Variants in AHNAK2 observed in about 807,000 individuals in gnomAD.
The protein encoded by AHNAK2 is protein AHNAK2.
A neutral mutation model predicts 30.7 loss-of-function variants in AHNAK2; 18 were observed. That is an observed-to-expected ratio of 0.59 (90% CI 0.41 to 0.87). AHNAK2 has a LOEUF of 0.87. Ranked by LOEUF, AHNAK2 falls within the 40% of genes least tolerant of loss-of-function variation. AHNAK2 has a pLI of 0.00. For missense variants in AHNAK2, 8,604 were observed against 7,373.0 expected (o/e 1.17, Z -6.11); for synonymous variants, 3,590 against 3,073.8 (o/e 1.17, Z -5.56).
chr14:104,941,424 T>C lies in AHNAK2; in HGVS notation c.14027A>G (p.Asp4676Gly). Residue 4676 changes from aspartate (D) to glycine (G), a missense_variant, in exon 7 of 7, where the codon GAT becomes GGT. By Grantham distance (94) the Asp-to-Gly change is moderately conservative. Coordinates refer to ENST00000333244, the MANE Select transcript of AHNAK2 (RefSeq NM_138420.4). ...PIVESVVHEG[D>G]LHDPSRDGNL... ...ACCATCGCGAGATGGATCATGAAGA[T>C]CACCTTCATGAACAACAGATTCCAC... 1.2e-6 allele frequency: 2 copies of C among 1,613,118 alleles called. No homozygotes were observed. Among genetic ancestry groups the C allele is most frequent in the Non-Finnish European group, 1.7e-6 (2 of 1,179,722 alleles).
Position 104,954,986 on chromosome 14 carries a change from G to A in AHNAK2, c.622C>T (p.Gln208Ter), listed in dbSNP as rs1486067970. The A allele has an allele frequency of 1.9e-6, 3 of 1,613,452 alleles. No individual in the cohort carries two copies. Among genetic ancestry groups the A allele is most frequent in the South Asian group, 2.2e-5 (2 of 91,078 alleles). Residue 208 changes from glutamine (Q) to a stop codon, truncating the protein, a stop_gained, in exon 6 of 7, where the codon CAG (glutamine) becomes TAG (stop). Transcript: ENST00000333244. LOFTEE classifies it low-confidence loss of function (END_TRUNC). This position sits in a 1 kb window ranked among gnomAD's most constrained non-coding sequence, Gnocchi z 4.3. ...QDEEWASSDAQHGPQGKEKED... is the reference protein window; with the variant it reads ...QDEEWASSDA Reference sequence around the variant, plus strand: ...TTCTCCTTGCCCTGTGGGCCGTGCTGGGCATCGCTGGAAGCCCACTCTTCA... The same window carrying A: ...TTCTCCTTGCCCTGTGGGCCGTGCTAGGCATCGCTGGAAGCCCACTCTTCA...
intron 1 of AHNAK2, among the ~76,000 whole-genome samples, chr14:104,971,698 A>G (rs1271532161): frequency 6.6e-6 from 1 of 152,070 alleles, no homozygotes; most frequent in Non-Finnish European, 1.5e-5. Context: ...ACCCTGCTGC[A>G]CCCTGGGCCC....
At position 104,951,901 on chromosome 14, in the gene AHNAK2, C is replaced by A; in HGVS notation, c.3550G>T (p.Ala1184Ser). Residue 1184 changes from alanine to serine, a missense_variant, in exon 7 of 7, where the codon GCC becomes TCC. Transcript: ENST00000333244. ...GASAPGKSIE[A>S]SVDVSAPKVE... ...TTGGGTGCAGACACATCCACCGAGG[C>A]CTCGATGGACTTGCCTGGGGCTGAC... 1.2e-6 allele frequency: 2 copies of A among 1,609,996 alleles called. No homozygotes were observed. The highest frequency in any genetic ancestry group is 1.4e-5 in the African/African-American group (1 of 74,024).
rs571228831 is a variant in AHNAK2, at chr14:104,944,891, G to A, written c.10560C>T (p.Asp3520=). ...SSMQGDLKAT[D]LSIQPPSADL... Reference sequence around the variant, plus strand: ...CAGCGGAAGGGGGCTGAATGCTGAGGTCAGTGGCCTTGAGGTCCCCCTGCA... The same window carrying A: ...CAGCGGAAGGGGGCTGAATGCTGAGATCAGTGGCCTTGAGGTCCCCCTGCA... Residue 3520 remains aspartate, a synonymous_variant, in exon 7 of 7, where the codon GAC becomes GAT. Coordinates refer to ENST00000333244, the MANE Select transcript of AHNAK2 (RefSeq NM_138420.4). 130 of 1,613,046 alleles carry A rather than the reference G, an allele frequency of 8.1e-5. No homozygotes were observed. The highest frequency in any genetic ancestry group is 6.7e-5 in the Non-Finnish European group (79 of 1,179,630).
rs748805342 is a variant in AHNAK2, at chr14:104,947,402, G to A, written c.8049C>T (p.Ser2683=). Reference sequence around the variant, plus strand: ...TAAGGTCCCCTTGCATGGAGGGGAGGCTCATGTCGGCTTCCACCTTCAGCT... The same window carrying A: ...TAAGGTCCCCTTGCATGGAGGGGAGACTCATGTCGGCTTCCACCTTCAGCT... ...VSELKVEADM[S]LPSMQGDLKT... is the part of the protein sequence containing the mutation. Residue 2683 remains serine (S), a synonymous_variant, in exon 7 of 7, where the codon AGC becomes AGT. Transcript: ENST00000333244. 4.3e-6 allele frequency: 7 copies of A among 1,612,660 alleles called. No homozygotes were observed. The highest frequency in any genetic ancestry group is 1.7e-5 in the Admixed American group (1 of 59,934).
rs766802227 is a variant in AHNAK2 at position 104,952,402 on chromosome 14, T to G, written c.3049A>C (p.Ile1017Leu). 6.2e-7 allele frequency: 1 copy of G among 1,612,610 alleles called. No individual in the cohort carries two copies. Among genetic ancestry groups the G allele is most frequent in the Admixed American group, 1.7e-5 (1 of 59,926 alleles). The change falls in exon 7 of 7, where the codon ATC (isoleucine) becomes CTC (leucine). Residue 1017 changes from isoleucine (I) to leucine (L), a missense_variant. Ile to Leu is a conservative substitution (Grantham distance 5). Transcript: ENST00000333244. Reference protein sequence around the residue: ...SFGVSAPGKSIKALVDVSAPK... With the variant: ...SFGVSAPGKSLKALVDVSAPK... Reference sequence around the variant, plus strand: ...GCAGACACATCCACCAAGGCCTTGATGGACTTCCCTGGGGCCGATACCCCG... The same window carrying G: ...GCAGACACATCCACCAAGGCCTTGAGGGACTTCCCTGGGGCCGATACCCCG...
chr14:104,938,730 A>G lies in AHNAK2; in HGVS notation c.16721T>C (p.Phe5574Ser), dbSNP rs1198567068. ...ATTGACGCTGGAAGAGATCATCTCAAATGGTTCTCCAGTGTCAGGCTGGAG... is the reference window on the plus strand; with the variant it reads ...ATTGACGCTGGAAGAGATCATCTCAGATGGTTCTCCAGTGTCAGGCTGGAG... The part of the protein sequence containing the change: ...GDLQPDTGEP[F>S]EMISSSVNVL... The change falls in exon 7 of 7, where the codon TTT (phenylalanine) becomes TCT (serine). Residue 5574 changes from phenylalanine to serine, a missense_variant. Physicochemically the swap from Phe to Ser is radical, Grantham distance 155. Transcript: ENST00000333244. 1.2e-6 allele frequency: 2 copies of G among 1,613,630 alleles called. No homozygotes were observed. The highest frequency in any genetic ancestry group is 2.7e-5 in the African/African-American group (2 of 74,900).
Position 104,943,825 on chromosome 14 carries a change from C to A in AHNAK2, c.11626G>T (p.Val3876Leu). 3 of 1,613,034 alleles carry A rather than the reference C, an allele frequency of 1.9e-6. No individual in the cohort carries two copies. The highest frequency in any genetic ancestry group is 1.7e-6 in the Non-Finnish European group (2 of 1,179,554). Residue 3876 changes from valine (V) to leucine (L), a missense_variant, in exon 7 of 7, where the codon GTG becomes TTG. Val to Leu is a conservative substitution (Grantham distance 32, BLOSUM62 1). Coordinates refer to ENST00000333244, the MANE Select transcript of AHNAK2 (RefSeq NM_138420.4). The part of the protein sequence containing the change: ...QVDMKLLEGH[V>L]PEEAGLKGHL... Reference sequence around the variant, plus strand: ...CCTTTGAGGCCGGCTTCCTCGGGCACGTGGCCCTCCAGGAGTTTCATGTCC... The same window carrying A: ...CCTTTGAGGCCGGCTTCCTCGGGCAAGTGGCCCTCCAGGAGTTTCATGTCC...
Position 104,944,627 on chromosome 14 carries a change from G to A in AHNAK2, c.10824C>T (p.Val3608=), listed in dbSNP as rs1371979061. The stretch of plus-strand genomic sequence containing the variant: ...CATCCAGCTTGGCCTTCGGGGCCTG[G>A]ACATCCACCTCCACGCTGGGCAGAG... ...EVSLPSVEVD[V]QAPKAKLDAG... is the part of the protein sequence containing the mutation. The change falls in exon 7 of 7, where the codon GTC becomes GTT. Residue 3608 remains valine (V), a synonymous_variant. Coordinates refer to ENST00000333244, the MANE Select transcript of AHNAK2 (RefSeq NM_138420.4). 2 of 1,613,176 alleles carry A rather than the reference G, an allele frequency of 1.2e-6. No homozygotes were observed. Among genetic ancestry groups the A allele is most frequent in the Non-Finnish European group, 1.7e-6 (2 of 1,179,670 alleles).
rs372841773 is a variant in AHNAK2, at chr14:104,942,198, G to T, written c.13253C>A (p.Thr4418Lys). 47 of 1,610,106 alleles carry T rather than the reference G, an allele frequency of 2.9e-5. No individual in the cohort carries two copies. The highest frequency in any genetic ancestry group is 3.6e-5 in the Non-Finnish European group (43 of 1,178,582). Residue 4418 changes from threonine to lysine, a missense_variant, in exon 7 of 7, where the codon ACG (threonine) becomes AAG (lysine). By Grantham distance (78) the Thr-to-Lys change is moderately conservative. Coordinates refer to ENST00000333244, the MANE Select transcript of AHNAK2 (RefSeq NM_138420.4). ...LDLKGPKVEV[T>K]SPNLDVSLPS... ...CAGAGACACGTCCAGGTTGGGGGAC[G>T]TCACCTCCACCTTGGGGCCTTTCAG...
rs779264547 is a variant in AHNAK2 at position 104,950,798 on chromosome 14, C to T, written c.4653G>A (p.Glu1551=). The change falls in exon 7 of 7, where the codon GAG becomes GAA. Residue 1551 remains glutamate, a synonymous_variant. Transcript: ENST00000333244. ...TCACGTCCACTTGGCCAGCCTGGAC[C>T]TCCAGGTCAGCAGAAGGGGGCTGTA... The part of the protein sequence containing the change: ...LSIQPPSADL[E]VQAGQVDVKL... The T allele has an allele frequency of 3.8e-5, 60 of 1,586,872 alleles. 8 individuals are homozygous for T. The Admixed American group carries it at 8.7e-4, about 23-fold the overall frequency.
At position 104,954,158 on chromosome 14, in the gene AHNAK2, T is replaced by G; in HGVS notation, c.1293A>C (p.Thr431=). The G allele has an allele frequency of 6.2e-7, 1 of 1,610,508 alleles. No individual in the cohort carries two copies. The highest frequency in any genetic ancestry group is 8.5e-7 in the Non-Finnish European group (1 of 1,179,828). ...GKTLEGQAQE[T]AVAQRKPRAQ... is the part of the protein sequence containing the mutation. ...CCCTGGGCTTCCTCTGGGCCACTGCTGTCTCCTGTGCCTGCCCCTCCAGGG... is the reference window on the plus strand; with the variant it reads ...CCCTGGGCTTCCTCTGGGCCACTGCGGTCTCCTGTGCCTGCCCCTCCAGGG... The change falls in exon 7 of 7, where the codon ACA becomes ACC. Residue 431 remains threonine, a synonymous_variant. Coordinates refer to ENST00000333244, the MANE Select transcript of AHNAK2 (RefSeq NM_138420.4). The surrounding 1 kb of genome is among the most constrained non-coding windows in gnomAD (Gnocchi z 4.3).
rs1465696662 is a variant in AHNAK2, at chr14:104,949,101, G to C, written c.6350C>G (p.Pro2117Arg). 3.7e-6 allele frequency: 4 copies of C among 1,070,462 alleles called. 1 individual carries two copies. Among genetic ancestry groups the C allele is most frequent in the Non-Finnish European group, 5.4e-6 (4 of 734,694 alleles). 66.3% of individuals were successfully genotyped at this position (1,070,462 alleles called of 1,614,324 possible). Residue 2117 changes from proline (P) to arginine (R), a missense_variant, in exon 7 of 7, where the codon CCC becomes CGC. Transcript: ENST00000333244. The part of the protein sequence containing the change: ...MRVPDVEVSL[P>R]SMEVDVQAPR... ...GGCCTGGACGTCCACCTCCATGCTG[G>C]GCAGAGACACCTCGACATCGGGGAC...
chr14:104,940,782 G>T lies in AHNAK2; in HGVS notation c.14669C>A (p.Ala4890Asp). The T allele has an allele frequency of 6.2e-7, 1 of 1,612,962 alleles. No homozygotes were observed. The highest frequency in any genetic ancestry group is 8.5e-7 in the Non-Finnish European group (1 of 1,179,888). ...PEGDLHAAVG[A>D]PVMSPLSPGE... ...AGGGCTAAGAGGAGACATGACTGGG[G>T]CACCCACTGCTGCATGTAGGTCTCC... Residue 4890 changes from alanine to aspartate, a missense_variant, in exon 7 of 7, where the codon GCC becomes GAC. Physicochemically the swap from Ala to Asp is moderately radical, Grantham distance 126. Transcript: ENST00000333244. The surrounding 1 kb of genome is among the most constrained non-coding windows in gnomAD (Gnocchi z 4.4).
In AHNAK2 at chr14:104,942,512, T is replaced by A. The variant is rs754816094; in HGVS notation, c.12939A>T (p.Pro4313=). 10 of 1,612,984 alleles carry A rather than the reference T, an allele frequency of 6.2e-6. No individual in the cohort carries two copies. The highest frequency in any genetic ancestry group is 3.3e-5 in the South Asian group (3 of 91,042). Reference sequence around the variant, plus strand: ...CCAACGAGGCCTCGATGGACTTGCCTGGGGCAGACACCCCGAACGACGGCA... The same window carrying A: ...CCAACGAGGCCTCGATGGACTTGCCAGGGGCAGACACCCCGAACGACGGCA... ...FKMPSFGVSA[P]GKSIEASLDV... The change falls in exon 7 of 7, where the codon CCA becomes CCT. Residue 4313 remains proline, a synonymous_variant. Transcript: ENST00000333244.
At chr14:104,956,320 C>T (rs924626089) in intron 4 of AHNAK2, among the ~76,000 whole-genome samples, 4 of 152,170 alleles carry the variant, frequency 2.6e-5, no homozygotes, top group African/African-American at 9.7e-5. Context: ...GAGGTCTGTA[C>T]AGCCAGGTCT....
rs189780647 is a variant in AHNAK2 at position 104,954,981 on chromosome 14, G to A, written c.627C>T (p.His209=). The A allele has an allele frequency of 2.2e-4, 353 of 1,613,292 alleles. No individual in the cohort carries two copies. In the African/African-American group the frequency reaches 3.1e-3, roughly 14 times the overall value. ...CCTCCTTCTCCTTGCCCTGTGGGCC[G>A]TGCTGGGCATCGCTGGAAGCCCACT... ...DEEWASSDAQ[H]GPQGKEKEDT... The change falls in exon 6 of 7, where the codon CAC becomes CAT. Residue 209 remains histidine, a synonymous_variant. Transcript: ENST00000333244. The surrounding 1 kb of genome is among the most constrained non-coding windows in gnomAD (Gnocchi z 4.3).
Position 104,949,276 on chromosome 14 carries a change from C to T in AHNAK2, c.6175G>A (p.Gly2059Ser), listed in dbSNP as rs374466165. 24 of 1,065,028 alleles carry T rather than the reference C, an allele frequency of 2.3e-5. 9 individuals carry two copies. The highest frequency in any genetic ancestry group is 3.1e-5 in the South Asian group (2 of 64,592). The allele number at this position is 1,065,028 out of a possible 1,614,324, so 66.0% of individuals were successfully genotyped here. A position where few individuals can be genotyped will look rare whatever the true frequency, so the allele number is the denominator to read the frequency against. ...TGQVDVKLPE[G>S]HVPEGAGLKG... ...AGGCCAGCTCCCTCGGGCACGTGGC[C>T]CTCCGGGAGCTTCACATCCACCTGG... Residue 2059 changes from glycine (G) to serine (S), a missense_variant, in exon 7 of 7, where the codon GGC (glycine) becomes AGC (serine). Gly to Ser is a moderately conservative substitution (Grantham distance 56). Transcript: ENST00000333244.
rs1899646976 is a variant in AHNAK2 at position 104,978,222 on chromosome 14, G to A, written c.16C>T (p.His6Tyr). MCDCF[H>Y]MVLPTWPGTP... ...CCGGGCCAGGTGGGCAGCACCATGTGGAAGCAGTCGCACATCGCGGCGGCC... is the reference window on the plus strand; with the variant it reads ...CCGGGCCAGGTGGGCAGCACCATGTAGAAGCAGTCGCACATCGCGGCGGCC... Residue 6 changes from histidine (H) to tyrosine (Y), a missense_variant, in exon 1 of 7, where the codon CAC becomes TAC. Coordinates refer to ENST00000333244, the MANE Select transcript of AHNAK2 (RefSeq NM_138420.4). The A allele has an allele frequency of 8.2e-7, 1 of 1,216,382 alleles. No individual in the cohort carries two copies. Among genetic ancestry groups the A allele is most frequent in the Non-Finnish European group, 1.0e-6 (1 of 977,074 alleles). The allele number at this position is 1,216,382 out of a possible 1,614,324, so 75.3% of individuals were successfully genotyped here. A position where few individuals can be genotyped will look rare whatever the true frequency, so the allele number is the denominator to read the frequency against.
Sources: allele counts gnomAD v4.1 joint callset (sites outside exome capture counted in the v4.1 genomes callset), GRCh38; gene constraint gnomAD v4.1.1; non-coding constraint Gnocchi (gnomAD v3.1); transcripts MANE v1.5; gene names NCBI Gene and HGNC (gene_info 2026-07-23, HGNC 2026-07-21).